Variants in CCDC102B observed in about 807,000 individuals in gnomAD.
The protein encoded by CCDC102B is coiled-coil domain-containing protein 102B.
Under a neutral mutation model 57.4 loss-of-function variants are expected in CCDC102B, and 75 were observed. The ratio of observed to expected loss-of-function variants is 1.31; its 90% CI spans 1.08 to 1.58. The LOEUF is 1.58. Ranked by LOEUF, CCDC102B falls within the 40% of genes most tolerant of loss-of-function variation. The pLI, the probability that CCDC102B is intolerant of heterozygous loss-of-function variation, is 0.00. For missense variants in CCDC102B, 636 were observed against 582.6 expected, an observed-to-expected ratio of 1.09 and a Z score of -0.94; for synonymous variants, 206 against 201.9, an observed-to-expected ratio of 1.02 and a Z score of -0.17.
At chr18:68,873,607 C>T (rs1025168118) in intron 4 of CCDC102B, among the ~76,000 whole-genome samples, 1 of 151,940 alleles carries the variant, frequency 6.6e-6, no homozygotes, top group Non-Finnish European at 1.5e-5. Context: ...ATAAGAATAC[C>T]TAACATATAG....
chr18:68,715,239 C>A (rs971790186), exon 1 of CCDC102B: 8 of 1,337,442 alleles, frequency 6.0e-6, no homozygotes, highest in Admixed American at 3.7e-5. Flanking sequence ...GCTCTCGGTG[C>A]CCCCCTCCAC....
chr18:68,988,456 C>G (rs57909186), intron 6 of CCDC102B, among the ~76,000 whole-genome samples: 1 of 151,498 alleles, frequency 6.6e-6, no homozygotes, highest in Non-Finnish European at 1.5e-5. Context: ...CTCACTACTT[C>G]GGTGGTGGTA....
intron 7 of CCDC102B, among the ~76,000 whole-genome samples, chr18:69,014,700 TG>T (rs1193081647): frequency 1.3e-5 from 2 of 151,804 alleles, no homozygotes; most frequent in African/African-American, 4.8e-5. Flanking sequence ...AATCACGAGG[TG>T]TTTTTTTTGT....
At chr18:68,932,893 A>G (rs1007738115) in intron 6 of CCDC102B, among the ~76,000 whole-genome samples, 6 of 151,916 alleles carry the variant, frequency 3.9e-5, no homozygotes, top group African/African-American at 1.2e-4. Flanking sequence ...CTGCTCTTGA[A>G]TAATAACACA....
chr18:68,847,429 A>AG (rs398033343), intron 4 of CCDC102B, among the ~76,000 whole-genome samples: 1 of 151,724 alleles, frequency 6.6e-6, no homozygotes. Context: ...AGTAAAAAAA[A>AG]GAATGCATTT....
chr18:68,991,886 C>T (rs371867124), intron 6 of CCDC102B, among the ~76,000 whole-genome samples: 2 of 152,020 alleles, frequency 1.3e-5, no homozygotes, highest in African/African-American at 4.8e-5. Flanking sequence ...TAGCCTACAA[C>T]GTAAGAACTA....
At chr18:68,739,177 G>T (rs528491420) in intron 2 of CCDC102B, among the ~76,000 whole-genome samples, 1 of 152,128 alleles carries the variant, frequency 6.6e-6, no homozygotes, top group African/African-American at 2.4e-5. Context: ...TGTATTTTTA[G>T]TAGAGACGGG....
upstream of CCDC102B, among the ~76,000 whole-genome samples, chr18:68,794,186 A>G (rs183905018): frequency 2.6e-5 from 4 of 152,252 alleles, no homozygotes; most frequent in East Asian, 7.7e-4. Flanking sequence ...TCAGAGTTTT[A>G]CTGCTGTTCT....
chr18:69,017,999 G>C (rs2051716791), intron 7 of CCDC102B, among the ~76,000 whole-genome samples: 3 of 151,874 alleles, frequency 2.0e-5, no homozygotes, highest in Admixed American at 1.3e-4. Flanking sequence ...ATATTTCTGT[G>C]TGTGTGTGTG....
chr18:68,776,501 C>G (rs977941367), intron 2 of CCDC102B, among the ~76,000 whole-genome samples: 7 of 152,146 alleles, frequency 4.6e-5, no homozygotes, highest in African/African-American at 1.7e-4. Flanking sequence ...AGAATGAGAT[C>G]ATGTCCTTTG....
Position 69,054,538 on chromosome 18 carries a change from T to C in CCDC102B, c.*401T>C. On this transcript the variant is annotated 3_prime_UTR_variant, in exon 8 of 8. Coordinates refer to ENST00000360242, the MANE Select transcript of CCDC102B (RefSeq NM_024781.3). ...ATAAAGTACTGGTTTGTTTAAATAA[T>C]TGGTAAACTTTTATGTACGTGTTGT... 1 of 990,666 alleles carries C rather than the reference T, an allele frequency of 1.0e-6. No individual in the cohort carries two copies. Among genetic ancestry groups the C allele is most frequent in the East Asian group, 1.1e-4 (1 of 8,868 alleles). 61.4% of individuals were successfully genotyped at this position (990,666 alleles called of 1,614,324 possible). A position where few individuals can be genotyped will look rare whatever the true frequency, so the allele number is the denominator to read the frequency against.
chr18:68,887,082 G>A (rs75542353), intron 5 of CCDC102B, among the ~76,000 whole-genome samples: 1,662 of 151,990 alleles, frequency 0.011, 36 homozygotes, highest in African/African-American at 0.037. Context: ...CCCCACAAAG[G>A]TTTTTCCTCA....
intron 7 of CCDC102B, among the ~76,000 whole-genome samples, chr18:69,032,934 A>G (rs2052187755): frequency 6.6e-6 from 1 of 152,150 alleles, no homozygotes; most frequent in Admixed American, 6.6e-5. Context: ...GTTTACTAGA[A>G]TGTTTTATAT....
At chr18:68,855,003 G>T (rs2038316715) in intron 4 of CCDC102B, among the ~76,000 whole-genome samples, 1 of 152,218 alleles carries the variant, frequency 6.6e-6, no homozygotes, top group Admixed American at 6.5e-5. Context: ...GCACAGGTCA[G>T]ACTCTTATTC....
chr18:69,001,705 A>G (rs1295970606), intron 6 of CCDC102B, among the ~76,000 whole-genome samples: 1 of 152,024 alleles, frequency 6.6e-6, no homozygotes, highest in Admixed American at 6.6e-5. Flanking sequence ...TCTCAATTTC[A>G]TATCTCTGTC....
chr18:68,948,396 T>C (rs1397318787), intron 6 of CCDC102B, among the ~76,000 whole-genome samples: 1 of 152,166 alleles, frequency 6.6e-6, no homozygotes, highest in African/African-American at 2.4e-5. Context: ...GTCTTTTTCA[T>C]TAATCTGCAA....
intron 6 of CCDC102B, among the ~76,000 whole-genome samples, chr18:68,936,674 G>T (rs1191649292): frequency 2.6e-5 from 4 of 151,620 alleles, no homozygotes; most frequent in Non-Finnish European, 4.4e-5. Context: ...ATCAAATAAA[G>T]ATGTTCATTT....
intron 7 of CCDC102B, among the ~76,000 whole-genome samples, chr18:69,030,345 C>A (rs2052105482): frequency 6.6e-6 from 1 of 152,042 alleles, no homozygotes; most frequent in South Asian, 2.1e-4. Context: ...AGATAATAGT[C>A]ATCAATATTA....
intron 6 of CCDC102B, among the ~76,000 whole-genome samples, chr18:68,999,816 A>C (rs1469606770): frequency 5.9e-5 from 9 of 152,156 alleles, no homozygotes; most frequent in Non-Finnish European, 1.0e-4. Context: ...TGGTCTAGAG[A>C]ATAGAAATAG....
Sources: gnomAD v4.1 joint callset for allele counts (sites outside exome capture counted in the v4.1 genomes callset) on GRCh38, gnomAD v4.1.1 for gene constraint, MANE v1.5 for transcripts, NCBI Gene and HGNC (gene_info 2026-07-23, HGNC 2026-07-21) for gene names.